The following PLAAT5 variants were observed in gnomAD, a reference collection of about 807,000 sequenced individuals.
PLAAT5 encodes phospholipase A and acyltransferase 5.
Under a neutral mutation model 27.8 loss-of-function variants are expected in PLAAT5, and 27 were observed. The ratio of observed to expected loss-of-function variants is 0.97; its 90% CI spans 0.72 to 1.34. PLAAT5 has a LOEUF of 1.34. Among genes scored for constraint, PLAAT5 ranks in the 40% most tolerant of loss-of-function variants. The pLI, the probability that PLAAT5 is intolerant of heterozygous loss-of-function variation, is 0.00. For missense variants in PLAAT5, 368 were observed against 343.8 expected, an observed-to-expected ratio of 1.07 and a Z score of -0.56; for synonymous variants, 125 against 136.1, an observed-to-expected ratio of 0.92 and a Z score of 0.57.
chr11:63,489,085 G>A (rs1449061369), intron 2 of PLAAT5, 109 bp from the exon 3 acceptor site: 8 of 683,850 alleles, frequency 1.2e-5, no homozygotes, highest in Non-Finnish European at 1.8e-5. Context: ...TTTGGAGACT[G>A]TAGGGAACAT....
chr11:63,489,620 A>G lies in PLAAT5; in HGVS notation c.239+623T>C, dbSNP rs993180808. On this transcript the variant is annotated intron_variant, in intron 2 of 5. Transcript: ENST00000540857. ...CATGATTGCTGTCCCACCTTGAGCT[A>G]GTAAATTAATGTCTGACTCTCAGCT... 9.9e-5 allele frequency among the ~76,000 whole-genome samples: 15 copies of G among 152,244 alleles called. 1 individual carries two copies. Among genetic ancestry groups the G allele is most frequent in the Non-Finnish European group, 1.5e-5 (1 of 68,040 alleles).
intron 3 of PLAAT5, among the ~76,000 whole-genome samples, chr11:63,475,041 C>A (rs1273459058): frequency 6.6e-6 from 1 of 152,068 alleles, no homozygotes; most frequent in African/African-American, 2.4e-5. Context: ...TCAATCCCTT[C>A]AAATTTACTG....
At chr11:63,489,728 T>C (rs1035695754) in intron 2 of PLAAT5, among the ~76,000 whole-genome samples, 1 of 152,206 alleles carries the variant, frequency 6.6e-6, no homozygotes, top group Non-Finnish European at 1.5e-5. Context: ...AAACATCTGG[T>C]ATACCACCAA....
rs189817862 is a variant in PLAAT5 at position 63,461,612 on chromosome 11, C to A, written c.*1891G>T. Reference sequence around the variant, plus strand: ...CATTACAGATTAAAAGAGAAACACACACACACACTTTGAGAAACTCGCCCT... The same window carrying A: ...CATTACAGATTAAAAGAGAAACACAAACACACACTTTGAGAAACTCGCCCT... On this transcript the variant is annotated 3_prime_UTR_variant, in exon 6 of 6. Coordinates refer to ENST00000540857, the MANE Select transcript of PLAAT5 (RefSeq NM_001146729.2). 6.6e-6 allele frequency: 1 copy of A among 152,346 alleles called. No individual in the cohort carries two copies. Among genetic ancestry groups the A allele is most frequent in the East Asian group, 1.9e-4 (1 of 5,186 alleles). The allele number at this position is 152,346 out of a possible 1,614,324, so 9.4% of individuals were successfully genotyped here. A position where few individuals can be genotyped will look rare whatever the true frequency, so the allele number is the denominator to read the frequency against.
chr11:63,468,459 GT>G lies in PLAAT5; in HGVS notation c.351del (p.Lys117AsnfsTer9). On this transcript the variant is annotated frameshift_variant, in exon 4 of 6. Transcript: ENST00000540857. LOFTEE classifies it high-confidence loss of function. The part of the protein sequence containing the change: ...GKLIKQAAEG[K>X]PRPRPGDLIE... ...ATCAGGTCTCCAGGTCTGGGTCTTG[GT>G]TTTCCCTATAATGGAAAAATAAAAG... 1.2e-5 allele frequency: 19 copies of G among 1,612,826 alleles called. No individual in the cohort carries two copies. Among genetic ancestry groups the G allele is most frequent in the Non-Finnish European group, 1.5e-5 (18 of 1,179,002 alleles).
rs2015748589 is a variant in PLAAT5, at chr11:63,462,672, C to T, written c.*831G>A. On this transcript the variant is annotated 3_prime_UTR_variant, in exon 6 of 6. Coordinates refer to ENST00000540857, the MANE Select transcript of PLAAT5 (RefSeq NM_001146729.2). Reference sequence around the variant, plus strand: ...ACCAGCTATCACTACAATCCCCAGCCATAATTTCAGATCTTCCATCCTGTC... The same window carrying T: ...ACCAGCTATCACTACAATCCCCAGCTATAATTTCAGATCTTCCATCCTGTC... 6.6e-6 allele frequency: 1 copy of T among 152,144 alleles called. No homozygotes were observed. Among genetic ancestry groups the T allele is most frequent in the Non-Finnish European group, 1.5e-5 (1 of 68,026 alleles). 9.4% of individuals were successfully genotyped at this position (152,144 alleles called of 1,614,324 possible).
Position 63,463,160 on chromosome 11 carries a change from T to C in PLAAT5, c.*343A>G. 1 of 238,442 alleles carries C rather than the reference T, an allele frequency of 4.2e-6. No individual in the cohort carries two copies. The highest frequency in any genetic ancestry group is 8.1e-6 in the Non-Finnish European group (1 of 123,506). 14.8% of individuals were successfully genotyped at this position (238,442 alleles called of 1,614,324 possible). ...ATTCAAGCAGAGGTTTCTGGGATGT[T>C]TCTGATGGCACTCAAGCATCGGAGA... On this transcript the variant is annotated 3_prime_UTR_variant, in exon 6 of 6. Transcript: ENST00000540857.
rs538984470 is a variant in PLAAT5 at position 63,461,782 on chromosome 11, C to T, written c.*1721G>A. The T allele has an allele frequency of 6.6e-6, 1 of 152,320 alleles. No individual in the cohort carries two copies. Among genetic ancestry groups the T allele is most frequent in the African/African-American group, 2.4e-5 (1 of 41,564 alleles). The allele number at this position is 152,320 out of a possible 1,614,324, so 9.4% of individuals were successfully genotyped here. ...TCTTCCTAGCCAACTCAGAACTCCT[C>T]ACATCCAGCCCCCAGACTACCGCTC... On this transcript the variant is annotated 3_prime_UTR_variant, in exon 6 of 6. Coordinates refer to ENST00000540857, the MANE Select transcript of PLAAT5 (RefSeq NM_001146729.2).
At chr11:63,487,453 C>T (rs2016462778) in intron 3 of PLAAT5, among the ~76,000 whole-genome samples, 1 of 151,966 alleles carries the variant, frequency 6.6e-6, no homozygotes, top group African/African-American at 2.4e-5. Context: ...AACTGGAACT[C>T]TTATAAACTG....
chr11:63,463,188 A>C lies in PLAAT5; in HGVS notation c.*315T>G, dbSNP rs2120192569. 3.6e-6 allele frequency: 1 copy of C among 278,152 alleles called. No individual in the cohort carries two copies. The highest frequency in any genetic ancestry group is 5.0e-5 in the Admixed American group (1 of 20,018). The allele number at this position is 278,152 out of a possible 1,614,324, so 17.2% of individuals were successfully genotyped here. On this transcript the variant is annotated 3_prime_UTR_variant, in exon 6 of 6. Transcript: ENST00000540857. ...TGATGGCACTCAAGCATCGGAGACC[A>C]AGGTCAGCCTAAGACACAAGCAAGG...
chr11:63,468,179 CAT>C (rs1006306526), intron 4 of PLAAT5, among the ~76,000 whole-genome samples, 176 bp downstream of exon 4: 1 of 152,196 alleles, frequency 6.6e-6, no homozygotes, highest in Non-Finnish European at 1.5e-5. Context: ...CCTGGACACT[CAT>C]TGGTTTTTGG....
At chr11:63,463,723 T>C in intron 5 of PLAAT5, 128 bp from the exon 6 acceptor site, 1 of 701,632 alleles carries the variant, frequency 1.4e-6, no homozygotes. Flanking sequence ...GAAGAAGCAG[T>C]CCATGCTATC....
chr11:63,482,204 AT>A (rs1282439832), intron 3 of PLAAT5, among the ~76,000 whole-genome samples: 1 of 152,220 alleles, frequency 6.6e-6, no homozygotes, highest in African/African-American at 2.4e-5. Context: ...TGAGGGAATA[AT>A]TGAGAAAAAT....
chr11:63,485,726 A>G (rs538602174), intron 3 of PLAAT5, among the ~76,000 whole-genome samples: 2 of 152,334 alleles, frequency 1.3e-5, no homozygotes, highest in South Asian at 4.1e-4. Context: ...AAAAGAGTTC[A>G]TGATCAAGAA....
intron 3 of PLAAT5, among the ~76,000 whole-genome samples, chr11:63,474,824 T>C (rs1178968273): frequency 6.6e-6 from 1 of 152,064 alleles, no homozygotes; most frequent in African/African-American, 2.4e-5. Context: ...TCTAAGCACT[T>C]CAGCTGCATC....
chr11:63,479,109 C>T (rs1435349411), intron 3 of PLAAT5, among the ~76,000 whole-genome samples: 1 of 152,144 alleles, frequency 6.6e-6, no homozygotes, highest in East Asian at 1.9e-4. Context: ...GGGATATCCC[C>T]CACCATAAAT....
chr11:63,488,050 C>T (rs1337755815), intron 3 of PLAAT5, among the ~76,000 whole-genome samples: 1 of 152,158 alleles, frequency 6.6e-6, no homozygotes, highest in African/African-American at 2.4e-5. Context: ...GAGGCTGAGG[C>T]AGGAGAATGG....
chr11:63,471,266 A>G (rs1472852439), intron 3 of PLAAT5, among the ~76,000 whole-genome samples: 1 of 152,242 alleles, frequency 6.6e-6, no homozygotes, highest in Non-Finnish European at 1.5e-5. Context: ...TGTTGAGTAC[A>G]GAAAATAATT....
At chr11:63,464,345 A>T (rs1411821129) in intron 5 of PLAAT5, among the ~76,000 whole-genome samples, 1 of 152,144 alleles carries the variant, frequency 6.6e-6, no homozygotes, top group African/African-American at 2.4e-5. Flanking sequence ...TTAATCCTTA[A>T]TTTTTTCCAT....
Sources: gnomAD v4.1 joint callset for allele counts (sites outside exome capture counted in the v4.1 genomes callset) on GRCh38, gnomAD v4.1.1 for gene constraint, MANE v1.5 for transcripts, NCBI Gene and HGNC (gene_info 2026-07-23, HGNC 2026-07-21) for gene names.